The following ABCC4 variants were observed in gnomAD, a reference collection of about 807,000 sequenced individuals.
ABCC4 encodes the protein ATP-binding cassette sub-family C member 4.
Under a neutral mutation model 168.5 loss-of-function variants are expected in ABCC4, and 102 were observed. The ratio of observed to expected loss-of-function variants is 0.61; its 90% CI spans 0.52 to 0.71. The LOEUF (loss-of-function observed/expected upper bound fraction) is 0.71. ABCC4 is among the 30% of genes least tolerant of loss of function. The pLI, the probability that ABCC4 is intolerant of heterozygous loss-of-function variation, is 0.00. For missense variants in ABCC4, 1,402 were observed against 1,605.8 expected (o/e 0.87, Z 2.17); for synonymous variants, 617 against 590.7 (o/e 1.04, Z -0.65).
intron 11 of ABCC4, among the ~76,000 whole-genome samples, chr13:95,183,407 C>A (rs111484505): frequency 6.6e-6 from 1 of 152,100 alleles, no homozygotes. Context: ...CCATCTAACA[C>A]CCACCATTGA....
intron 3 of ABCC4, among the ~76,000 whole-genome samples, chr13:95,239,436 G>C (rs2138775996): frequency 6.6e-6 from 1 of 152,342 alleles, no homozygotes; most frequent in East Asian, 1.9e-4. Context: ...AGTTAAAGCT[G>C]CTAGGAAAAA....
chr13:95,100,203 G>A (rs554437521), intron 20 of ABCC4, among the ~76,000 whole-genome samples: 55 of 152,298 alleles, frequency 3.6e-4, no homozygotes, highest in African/African-American at 1.2e-3. Flanking sequence ...CATCCAATAT[G>A]CCAGAATGGA....
At chr13:95,045,859 C>T (rs893623372) in intron 27 of ABCC4, among the ~76,000 whole-genome samples, 4 of 152,120 alleles carry the variant, frequency 2.6e-5, no homozygotes, top group Admixed American at 6.6e-5. Flanking sequence ...TTGTCATGTA[C>T]CTTAAACACG....
intron 29 of ABCC4, among the ~76,000 whole-genome samples, chr13:95,042,900 A>T (rs1282023388): frequency 2.0e-5 from 3 of 152,162 alleles, no homozygotes; most frequent in Non-Finnish European, 4.4e-5. Flanking sequence ...TATATGATAC[A>T]TTTAGACTAC....
At chr13:95,189,647 T>C (rs1397484148) in intron 9 of ABCC4, among the ~76,000 whole-genome samples, 1 of 152,156 alleles carries the variant, frequency 6.6e-6, no homozygotes, top group Non-Finnish European at 1.5e-5. Flanking sequence ...AGAAGGCACT[T>C]TATACTATAA....
chr13:95,298,166 A>G (rs373458365), intron 1 of ABCC4, among the ~76,000 whole-genome samples: 8 of 152,172 alleles, frequency 5.3e-5, no homozygotes, highest in African/African-American at 1.4e-4. Flanking sequence ...GTGCACGCCT[A>G]TAGTCCCAGC....
chr13:95,112,592 C>A (rs2035242759), intron 20 of ABCC4, among the ~76,000 whole-genome samples: 1 of 152,058 alleles, frequency 6.6e-6, no homozygotes. Context: ...TCAAGAATAC[C>A]ATCCGTAGTT....
At position 95,211,440 on chromosome 13, in the gene ABCC4, G is replaced by A. The variant is rs112424530; in HGVS notation, c.532-659C>T. On this transcript the variant is annotated intron_variant, in intron 4 of 30. Transcript: ENST00000645237. The stretch of plus-strand genomic sequence containing the variant: ...ACACTGGGTGGGAGAGACCCTGGAC[G>A]ATGAAGGAGGGACTTTATGGAGGGA... Among the ~76,000 whole-genome samples the A allele has an allele frequency of 1.8e-3, 278 of 152,260 alleles. 3 individuals are homozygous for A. The highest frequency in any genetic ancestry group is 6.4e-3 in the African/African-American group (267 of 41,546).
chr13:95,046,952 G>A (rs1357984640), intron 27 of ABCC4, among the ~76,000 whole-genome samples: 3 of 151,938 alleles, frequency 2.0e-5, no homozygotes, highest in Admixed American at 6.6e-5. Context: ...CTTCAGTGAG[G>A]TAAATAACTG....
At chr13:95,291,423 C>G (rs2041401982) in intron 1 of ABCC4, among the ~76,000 whole-genome samples, 1 of 151,850 alleles carries the variant, frequency 6.6e-6, no homozygotes, top group South Asian at 2.1e-4. Context: ...TTCCATAAAG[C>G]AGACCTCCAT....
At chr13:95,230,218 T>C (rs908822178) in intron 4 of ABCC4, among the ~76,000 whole-genome samples, 2 of 151,896 alleles carry the variant, frequency 1.3e-5, no homozygotes, top group Non-Finnish European at 2.9e-5. Flanking sequence ...TAACACAGAG[T>C]TCCGAGGAAC....
chr13:95,078,855 T>C (rs1309925370), intron 21 of ABCC4, among the ~76,000 whole-genome samples: 1 of 152,200 alleles, frequency 6.6e-6, no homozygotes. Flanking sequence ...GACAGAGTCC[T>C]GGAATGAAAT....
intron 11 of ABCC4, among the ~76,000 whole-genome samples, chr13:95,181,638 C>G (rs1399065716): frequency 6.6e-6 from 1 of 152,210 alleles, no homozygotes; most frequent in Non-Finnish European, 1.5e-5. Flanking sequence ...TTCCTGATGC[C>G]TGGTGTTATC....
intron 8 of ABCC4, among the ~76,000 whole-genome samples, chr13:95,205,224 A>G (rs1474972855): frequency 1.3e-5 from 2 of 152,196 alleles, no homozygotes; most frequent in Non-Finnish European, 2.9e-5. Flanking sequence ...GAGTCTGCCT[A>G]TGAATAGCCA....
chr13:95,211,119 G>A (rs920708637), intron 4 of ABCC4, among the ~76,000 whole-genome samples: 3 of 152,164 alleles, frequency 2.0e-5, no homozygotes, highest in Non-Finnish European at 4.4e-5. Context: ...GGCTGTCAGA[G>A]GAACAAAATG....
At position 95,021,581 on chromosome 13, in the gene ABCC4, T is replaced by G; in HGVS notation, c.3972A>C (p.Ala1324=). ...CTTGACATTTTGGTTGGATTCACAG[T>G]GCTGTCTCGAAAATAGTTAAGGTCG... ...QPSTLTIFET[A]L is the part of the protein sequence containing the mutation. The change falls in exon 31 of 31, where the codon GCA becomes GCC. Residue 1324 remains alanine, a synonymous_variant. Transcript: ENST00000645237. 1.2e-6 allele frequency: 2 copies of G among 1,606,370 alleles called. No homozygotes were observed. The highest frequency in any genetic ancestry group is 1.7e-6 in the Non-Finnish European group (2 of 1,173,176).
chr13:95,130,072 T>C (rs1446569886), intron 19 of ABCC4, among the ~76,000 whole-genome samples: 2 of 140,736 alleles, frequency 1.4e-5, no homozygotes, highest in South Asian at 2.2e-4. Context: ...CAAAACTCCA[T>C]CTTAAAAAAA....
chr13:95,136,321 AT>A (rs1371818453), intron 19 of ABCC4, among the ~76,000 whole-genome samples: 1 of 152,024 alleles, frequency 6.6e-6, no homozygotes, highest in Non-Finnish European at 1.5e-5. Context: ...CGCCTGGGTA[AT>A]TTTTGTACTT....
intron 3 of ABCC4, among the ~76,000 whole-genome samples, chr13:95,244,413 T>C (rs1173116053): frequency 4.6e-5 from 7 of 150,918 alleles, no homozygotes; most frequent in African/African-American, 1.5e-4. Context: ...CTGGGCAACA[T>C]AGTGAAACAA....
Sources: allele counts gnomAD v4.1 joint callset (sites outside exome capture counted in the v4.1 genomes callset), GRCh38; gene constraint gnomAD v4.1.1; transcripts MANE v1.5; gene names NCBI Gene and HGNC (gene_info 2026-07-23, HGNC 2026-07-21).